The following WWOX variants were observed in gnomAD, a reference collection of about 807,000 sequenced individuals.
WWOX encodes the protein WW domain-containing oxidoreductase.
WWOX carries 69 observed loss-of-function variants against 46.2 expected under a neutral mutation model. That is an observed-to-expected ratio of 1.49 (90% CI 1.23 to 1.82). The LOEUF is 1.82. Ranked by LOEUF, WWOX falls within the 40% of genes most tolerant of loss-of-function variation. The probability of loss-of-function intolerance (pLI) is 0.00; values close to 1 mark genes in which losing one functional copy is unlikely to be tolerated. For missense variants in WWOX, 919 were observed against 542.6 expected (o/e 1.69, Z -6.89); for synonymous variants, 359 against 202.6 (o/e 1.77, Z -6.56).
intron 5 of WWOX, among the ~76,000 whole-genome samples, chr16:78,290,808 G>T (rs985766725): frequency 6.6e-6 from 1 of 152,126 alleles, no homozygotes; most frequent in African/African-American, 2.4e-5. Flanking sequence ...AGTACAAATT[G>T]TACGTATACA....
chr16:78,332,541 G>A (rs140869812), intron 5 of WWOX, among the ~76,000 whole-genome samples: 55 of 152,258 alleles, frequency 3.6e-4, no homozygotes, highest in African/African-American at 1.2e-3. Flanking sequence ...TATTCCATTT[G>A]CTCAAGAACA....
intron 8 of WWOX, among the ~76,000 whole-genome samples, chr16:78,784,208 C>T (rs1196287607): frequency 6.6e-6 from 1 of 152,100 alleles, no homozygotes; most frequent in Non-Finnish European, 1.5e-5. Context: ...CAACCCTTGT[C>T]ATAGGTAGAT....
intron 8 of WWOX, among the ~76,000 whole-genome samples, chr16:78,758,448 A>G (rs1487463241): frequency 6.6e-6 from 1 of 152,242 alleles, no homozygotes; most frequent in African/African-American, 2.4e-5. Context: ...TTAATCATCC[A>G]TAAATTGGTT....
intron 5 of WWOX, among the ~76,000 whole-genome samples, chr16:78,374,964 G>A (rs1244398427): frequency 6.6e-6 from 1 of 152,164 alleles, no homozygotes. Flanking sequence ...GGGATAACAG[G>A]CGTGAGCCAC....
chr16:78,842,450 C>G (rs976660789), intron 8 of WWOX, among the ~76,000 whole-genome samples: 3 of 151,824 alleles, frequency 2.0e-5, no homozygotes, highest in Non-Finnish European at 4.4e-5. Context: ...CTATGGTGAG[C>G]TAGGATCACG....
chr16:78,887,100 GTGTGTGTGT>G (rs2044479430), intron 8 of WWOX, among the ~76,000 whole-genome samples: 2 of 63,778 alleles, frequency 3.1e-5, no homozygotes, highest in Non-Finnish European at 9.3e-5. Context: ...GTGTGTGTGT[GTGTGTGTGT>G]GTGTGTGTGT....
At chr16:78,713,915 T>C in intron 8 of WWOX, among the ~76,000 whole-genome samples, 1 of 152,090 alleles carries the variant, frequency 6.6e-6, no homozygotes, top group Non-Finnish European at 1.5e-5. Context: ...ACCCGAGGAC[T>C]GTCGTTGGGG....
At chr16:78,330,576 T>C (rs1388434393) in intron 5 of WWOX, among the ~76,000 whole-genome samples, 1 of 152,208 alleles carries the variant, frequency 6.6e-6, no homozygotes, top group Admixed American at 6.5e-5. Context: ...TTTGTATTTT[T>C]AGTGGAGACG....
At chr16:78,306,584 C>T (rs186728632) in intron 5 of WWOX, among the ~76,000 whole-genome samples, 19 of 152,264 alleles carry the variant, frequency 1.2e-4, no homozygotes, top group African/African-American at 4.3e-4. Flanking sequence ...ATATTTCTTA[C>T]TCCAGATCAA....
intron 5 of WWOX, among the ~76,000 whole-genome samples, chr16:78,307,920 G>A (rs1050870835): frequency 7.2e-5 from 11 of 152,136 alleles, no homozygotes; most frequent in African/African-American, 2.4e-4. Flanking sequence ...TTTCAATTGT[G>A]GTTAAGCACC....
At chr16:79,074,434 T>TTTTTTTTTTC (rs2048614450) in intron 8 of WWOX, among the ~76,000 whole-genome samples, 1 of 134,468 alleles carries the variant, frequency 7.4e-6, no homozygotes, top group African/African-American at 2.9e-5. Flanking sequence ...TTTTTTTTTT[T>TTTTTTTTTTC]TTTTTTTTGG....
At chr16:78,362,088 C>G (rs1318441359) in intron 5 of WWOX, among the ~76,000 whole-genome samples, 1 of 150,064 alleles carries the variant, frequency 6.7e-6, no homozygotes, top group Non-Finnish European at 1.5e-5. Context: ...TTTTTCTTCT[C>G]ACTACATTCT....
rs549897543 is a variant in WWOX, at chr16:78,734,590, T to C, written c.1056+301838T>C. Among the ~76,000 whole-genome samples, 13 of 152,236 alleles carry C rather than the reference T, an allele frequency of 8.5e-5. No individual in the cohort carries two copies. The East Asian group carries it at 2.5e-3, about 30-fold the overall frequency. On this transcript the variant is annotated intron_variant, in intron 8 of 8. Transcript: ENST00000566780. ...TTTATGTGTAACTGAACCTGATGGT[T>C]AGTTTCCTGTTTCAACTTGATTAGG...
intron 8 of WWOX, among the ~76,000 whole-genome samples, chr16:78,949,036 C>G (rs77638991): frequency 0.012 from 1,829 of 152,232 alleles, 44 homozygotes; most frequent in African/African-American, 0.042. Flanking sequence ...AAGCTAAGAA[C>G]TAGCTCTTTC....
chr16:78,402,126 A>G (rs142386511), intron 6 of WWOX, among the ~76,000 whole-genome samples: 9 of 152,348 alleles, frequency 5.9e-5, no homozygotes, highest in Middle Eastern at 3.4e-3. Context: ...AACAATTAGC[A>G]GTTATTTTCC....
chr16:78,441,418 A>G (rs1256823213), intron 8 of WWOX, among the ~76,000 whole-genome samples: 1 of 152,116 alleles, frequency 6.6e-6, no homozygotes, highest in Non-Finnish European at 1.5e-5. Context: ...TAGGCAAGGG[A>G]TTATAGTTTA....
chr16:78,716,293 C>T (rs950802437), intron 8 of WWOX, among the ~76,000 whole-genome samples: 1 of 152,092 alleles, frequency 6.6e-6, no homozygotes, highest in Non-Finnish European at 1.5e-5. Flanking sequence ...AGGCAGGAAG[C>T]ATCCTCCCCT....
intron 8 of WWOX, among the ~76,000 whole-genome samples, chr16:78,508,419 A>G (rs1354530746): frequency 1.3e-5 from 2 of 148,762 alleles, no homozygotes; most frequent in Non-Finnish European, 3.0e-5. Context: ...TGGCCCAGGG[A>G]AGCTAAAAGA....
chr16:78,647,606 T>G (rs1178630298), intron 8 of WWOX, among the ~76,000 whole-genome samples: 3 of 152,200 alleles, frequency 2.0e-5, no homozygotes, highest in African/African-American at 7.2e-5. Context: ...CCCCATTCTA[T>G]AAAATAACAG....
Sources: gnomAD v4.1 joint callset for allele counts (sites outside exome capture counted in the v4.1 genomes callset) on GRCh38, gnomAD v4.1.1 for gene constraint, MANE v1.5 for transcripts, NCBI Gene and HGNC (gene_info 2026-07-23, HGNC 2026-07-21) for gene names.